Variants in ARID3A observed in about 807,000 individuals in gnomAD.
ARID3A encodes AT-rich interactive domain-containing protein 3A.
Under a neutral mutation model 52.7 loss-of-function variants are expected in ARID3A, and 11 were observed. The ratio of observed to expected loss-of-function variants is 0.21; its 90% CI spans 0.13 to 0.35. ARID3A has a LOEUF of 0.35. Among genes scored for constraint, ARID3A ranks in the 10% least tolerant of loss-of-function variants. ARID3A has a pLI of 1.00. For synonymous variants in ARID3A, 404 were observed against 359.4 expected (o/e 1.12, Z -1.40); for missense variants, 721 against 838.5 (o/e 0.86, Z 1.73).
At chr19:927,431 C>T (rs1269874998) in intron 1 of ARID3A, among the ~76,000 whole-genome samples, 1 of 151,694 alleles carries the variant, frequency 6.6e-6, no homozygotes, top group South Asian at 2.1e-4. Flanking sequence ...CCTCCACCGG[C>T]CCCAACGTGG....
At chr19:952,696 G>A (rs367867237) in intron 3 of ARID3A, among the ~76,000 whole-genome samples, 2 of 152,262 alleles carry the variant, frequency 1.3e-5, no homozygotes, top group African/African-American at 2.4e-5. Flanking sequence ...CACCCCTGCC[G>A]TGGCCTCATC....
chr19:943,611 CG>C (rs1451522553), intron 3 of ARID3A, among the ~76,000 whole-genome samples: 1 of 151,866 alleles, frequency 6.6e-6, no homozygotes, highest in Admixed American at 6.6e-5. Flanking sequence ...GACACGGACA[CG>C]TAGGGAGATA....
At position 973,404 on chromosome 19, in the gene ARID3A, A is replaced by ACGCTGGCC. The variant is rs2038322319; in HGVS notation, c.*1342_*1349dup. The ACGCTGGCC allele has an allele frequency of 5.2e-6, 1 of 191,226 alleles. No homozygotes were observed. The highest frequency in any genetic ancestry group is 2.3e-5 in the African/African-American group (1 of 42,886). 11.8% of individuals were successfully genotyped at this position (191,226 alleles called of 1,614,324 possible). On this transcript the variant is annotated 3_prime_UTR_variant, in exon 9 of 9. Transcript: ENST00000263620. ...GCTGGGATTACAGGCATGAGCCGCC[A>ACGCTGGCC]CGCTGGCCCGGTCTGGAAATCTTAT...
At position 958,414 on chromosome 19, in the gene ARID3A, C is replaced by T. The variant is rs1487133767; in HGVS notation, c.694-1678C>T. 2.1e-4 allele frequency among the ~76,000 whole-genome samples: 25 copies of T among 116,984 alleles called. No individual in the cohort carries two copies. The South Asian group carries it at 6.5e-3, about 31-fold the overall frequency. The allele number at this position is 116,984 out of a possible 152,430, so 76.7% of individuals were successfully genotyped here. ...CTGCACTCCAGCCTGGGCGACAGAG[C>T]GAGACTCCATCTCAAAAAAAAAAAA... On this transcript the variant is annotated intron_variant, in intron 3 of 8. Transcript: ENST00000263620.
rs770634125 is a variant in ARID3A, at chr19:973,849, G to A, written c.*1784G>A. On this transcript the variant is annotated 3_prime_UTR_variant, in exon 9 of 9. Coordinates refer to ENST00000263620, the MANE Select transcript of ARID3A (RefSeq NM_005224.3). ...GCAGCTGAGCTGGGGGGTTATTTTGGCTGGAGCTGCTGGAGCAGAAAGGCT... is the reference window on the plus strand; with the variant it reads ...GCAGCTGAGCTGGGGGGTTATTTTGACTGGAGCTGCTGGAGCAGAAAGGCT... The A allele has an allele frequency of 2.3e-4, 54 of 230,440 alleles. No individual in the cohort carries two copies. The highest frequency in any genetic ancestry group is 3.5e-4 in the Non-Finnish European group (41 of 116,416). 14.3% of individuals were successfully genotyped at this position (230,440 alleles called of 1,614,324 possible). A position where few individuals can be genotyped will look rare whatever the true frequency, so the allele number is the denominator to read the frequency against.
At position 941,572 on chromosome 19, in the gene ARID3A, G is replaced by A. The variant is rs1051066698; in HGVS notation, c.693+8830G>A. 2.0e-5 allele frequency among the ~76,000 whole-genome samples: 3 copies of A among 152,122 alleles called. No homozygotes were observed. The highest frequency in any genetic ancestry group is 1.3e-4 in the Admixed American group (2 of 15,274). On this transcript the variant is annotated intron_variant, in intron 3 of 8. Coordinates refer to ENST00000263620, the MANE Select transcript of ARID3A (RefSeq NM_005224.3). The surrounding 1 kb of genome is among the most constrained non-coding windows in gnomAD (Gnocchi z 6.9). ...TGTCCAGACGTGTGTCTGCCCTGAC[G>A]TCCTTTGTGAATGTCTATGTTGGGG...
intron 3 of ARID3A, among the ~76,000 whole-genome samples, chr19:950,488 G>A (rs2037782829): frequency 6.6e-6 from 1 of 151,186 alleles, no homozygotes; most frequent in Non-Finnish European, 1.5e-5. Context: ...GGAGTGAGAG[G>A]GGCCCACTCA....
rs534057584 is a variant in ARID3A, at chr19:942,117, C to T, written c.693+9375C>T. 2.8e-4 allele frequency among the ~76,000 whole-genome samples: 43 copies of T among 152,282 alleles called. No homozygotes were observed. The highest frequency in any genetic ancestry group is 4.6e-4 in the Non-Finnish European group (31 of 68,006). ...CCATGGGCTCTGGAGCCAGCCTAGCCGATGATGGAGCCCCAGTGGCCACCG... is the reference window on the plus strand; with the variant it reads ...CCATGGGCTCTGGAGCCAGCCTAGCTGATGATGGAGCCCCAGTGGCCACCG... On this transcript the variant is annotated intron_variant, in intron 3 of 8. Coordinates refer to ENST00000263620, the MANE Select transcript of ARID3A (RefSeq NM_005224.3). This position sits in a 1 kb window ranked among gnomAD's most constrained non-coding sequence, Gnocchi z 8.1.
In ARID3A at chr19:932,472, G is replaced by T; in HGVS notation, c.423G>T (p.Glu141Asp). 2 of 1,575,386 alleles carry T rather than the reference G, an allele frequency of 1.3e-6. No individual in the cohort carries two copies. The highest frequency in any genetic ancestry group is 2.3e-5 in the East Asian group (1 of 43,550). Reference sequence around the variant, plus strand: ...AGGAAGACCTCGGGGAGGATGAGGAGGAGGAGGAGGAGGATTACGAGGATG... The same window carrying T: ...AGGAAGACCTCGGGGAGGATGAGGATGAGGAGGAGGAGGATTACGAGGATG... ...EMEEDLGEDE[E>D]EEEEDYEDEE... Residue 141 changes from glutamate to aspartate, a missense_variant, in exon 3 of 9, where the codon GAG (glutamate) becomes GAT (aspartate). Glu to Asp is a conservative substitution (Grantham distance 45). Around this residue, in one of 5 missense-constraint regions of ARID3A, gnomAD observed 349 missense variants for 297.3 expected, o/e 1.17. Coordinates refer to ENST00000263620, the MANE Select transcript of ARID3A (RefSeq NM_005224.3).
In ARID3A at chr19:959,170, A is replaced by T. The variant is rs2037987748; in HGVS notation, c.694-922A>T. ...GAAGACAGAGGCAGAGGCTGGAGCG[A>T]CGCGGCCACAAGCCCAGGAACCTGG... On this transcript the variant is annotated intron_variant, in intron 3 of 8. Coordinates refer to ENST00000263620, the MANE Select transcript of ARID3A (RefSeq NM_005224.3). This position sits in a 1 kb window ranked among gnomAD's most constrained non-coding sequence, Gnocchi z 5.0. Among the ~76,000 whole-genome samples the T allele has an allele frequency of 3.3e-5, 5 of 152,006 alleles. No homozygotes were observed. Among genetic ancestry groups the T allele is most frequent in the Admixed American group, 3.3e-4 (5 of 15,268 alleles).
Position 947,850 on chromosome 19 carries a change from C to A in ARID3A, c.694-12242C>A, listed in dbSNP as rs1202668022. The stretch of plus-strand genomic sequence containing the variant: ...AGATGTTCGGCCCTGCCCAGAATCA[C>A]TTCCCCAATTTCCCCACGCCCGGCG... On this transcript the variant is annotated intron_variant, in intron 3 of 8. Transcript: ENST00000263620. The surrounding 1 kb of genome is among the most constrained non-coding windows in gnomAD (Gnocchi z 6.3). Among the ~76,000 whole-genome samples, 1 of 152,236 alleles carries A rather than the reference C, an allele frequency of 6.6e-6. No homozygotes were observed. Among genetic ancestry groups the A allele is most frequent in the Non-Finnish European group, 1.5e-5 (1 of 68,040 alleles).
chr19:945,328 C>T (rs755741201), intron 3 of ARID3A, among the ~76,000 whole-genome samples: 11 of 152,220 alleles, frequency 7.2e-5, no homozygotes, highest in African/African-American at 9.6e-5. Flanking sequence ...TTGGCCTTTA[C>T]GGTTCACCAG....
intron 3 of ARID3A, among the ~76,000 whole-genome samples, chr19:955,773 C>T (rs886827088): frequency 2.0e-5 from 3 of 152,196 alleles, no homozygotes; most frequent in Non-Finnish European, 4.4e-5. Flanking sequence ...GAGGACCTTC[C>T]GCTCGCCCTG....
Position 944,265 on chromosome 19 carries a change from GCCGTTATCTCCCA to G in ARID3A, c.693+11524_693+11536del, listed in dbSNP as rs1187547492. On this transcript the variant is annotated intron_variant, in intron 3 of 8. Transcript: ENST00000263620. The surrounding 1 kb of genome is among the most constrained non-coding windows in gnomAD (Gnocchi z 5.9). ...GCGCGGTGGAGGGCGGGCCTGTCTC[GCCGTTATCTCCCA>G]GGCGTGTCTGCTCCCCGTGTGTCTG... Among the ~76,000 whole-genome samples, 3 of 151,870 alleles carry G rather than the reference GCCGTTATCTCCCA, an allele frequency of 2.0e-5. No homozygotes were observed. Among genetic ancestry groups the G allele is most frequent in the Non-Finnish European group, 4.4e-5 (3 of 68,024 alleles).
chr19:932,600 G>A lies in ARID3A; in HGVS notation c.551G>A (p.Arg184His), dbSNP rs201690655. 438 of 1,516,770 alleles carry A rather than the reference G, an allele frequency of 2.9e-4. No individual in the cohort carries two copies. The highest frequency in any genetic ancestry group is 2.0e-4 in the Middle Eastern group (1 of 5,060). 94.0% of individuals were successfully genotyped at this position (1,516,770 alleles called of 1,614,324 possible). The change falls in exon 3 of 9, where the codon CGC (arginine) becomes CAC (histidine). Residue 184 changes from arginine (R) to histidine (H), a missense_variant. Arg to His is a conservative substitution (Grantham distance 29). Coordinates refer to ENST00000263620, the MANE Select transcript of ARID3A (RefSeq NM_005224.3). ...PRKAQPPQAF[R>H]GDGVPRVLGG... ...AAGGCCCAGCCACCCCAGGCCTTCC[G>A]CGGCGATGGCGTTCCCAGGGTGCTG...
intron 8 of ARID3A, among the ~76,000 whole-genome samples, chr19:970,478 T>C (rs2038253042): frequency 7.0e-6 from 1 of 142,506 alleles, no homozygotes; most frequent in Non-Finnish European, 1.5e-5. Context: ...CAAAAGAACA[T>C]AAGTAAATGA....
chr19:970,797 T>A (rs2145476489), intron 8 of ARID3A, among the ~76,000 whole-genome samples: 1 of 152,114 alleles, frequency 6.6e-6, no homozygotes, highest in East Asian at 1.9e-4. Flanking sequence ...TTTCTTAAAG[T>A]GGAGTCAGGC....
At chr19:968,615 G>A in intron 8 of ARID3A, 112 bp downstream of exon 8, 1 of 921,560 alleles carries the variant, frequency 1.1e-6, no homozygotes, top group African/African-American at 1.7e-5. Context: ...GTGCGGGCGA[G>A]CAGGGCACGG....
chr19:930,740 A>T lies in ARID3A; in HGVS notation c.368+844A>T, dbSNP rs1407122486. On this transcript the variant is annotated intron_variant, in intron 2 of 8. Coordinates refer to ENST00000263620, the MANE Select transcript of ARID3A (RefSeq NM_005224.3). ...TAGCCAAGATGGTCTCGATCTCCTG[A>T]CCTCATGATCTGCCTGCCTTGGCCT... is the stretch of plus-strand genomic sequence containing the variant. Among the ~76,000 whole-genome samples, 18 of 150,590 alleles carry T rather than the reference A, an allele frequency of 1.2e-4. No homozygotes were observed. In the East Asian group the frequency reaches 3.7e-3, roughly 31 times the overall value.
Sources: allele counts gnomAD v4.1 joint callset (sites outside exome capture counted in the v4.1 genomes callset), GRCh38; gene constraint gnomAD v4.1.1; regional missense constraint gnomAD v4.1.1; non-coding constraint Gnocchi (gnomAD v3.1); transcripts MANE v1.5; gene names NCBI Gene and HGNC (gene_info 2026-07-23, HGNC 2026-07-21).